Variants in WDR36 observed in about 807,000 individuals in gnomAD.
The protein encoded by WDR36 is WD repeat-containing protein 36.
A neutral mutation model predicts 112.7 loss-of-function variants in WDR36; 63 were observed. That is an observed-to-expected ratio of 0.56 (90% CI 0.46 to 0.69). The LOEUF (loss-of-function observed/expected upper bound fraction) is 0.69, where lower values mean the gene tolerates loss of function less well. Among genes scored for constraint, WDR36 ranks in the 30% least tolerant of loss-of-function variants. The pLI, the probability that WDR36 is intolerant of heterozygous loss-of-function variation, is 0.00. For synonymous variants in WDR36, 410 were observed against 362.2 expected (o/e 1.13, Z -1.50); for missense variants, 1,226 against 1,070.3 (o/e 1.15, Z -2.03).
rs752330152 is a variant in WDR36 at position 111,110,737 on chromosome 5, A to G, written c.1442-51A>G. 31 of 1,574,018 alleles carry G rather than the reference A, an allele frequency of 2.0e-5. 1 individual carries two copies. The highest frequency in any genetic ancestry group is 1.1e-4 in the Admixed American group (6 of 57,078). ...GAATCACTGTGTGTATTGTTCAGAG[A>G]GAAACACTGCCAATTCTGATTTTTT... On this transcript the variant is annotated intron_variant, in intron 13 of 22. Transcript: ENST00000513710.
intron 21 of WDR36, 93 bp from the exon 22 acceptor site, chr5:111,125,515 A>G: frequency 7.8e-7 from 1 of 1,280,348 alleles, no homozygotes; most frequent in South Asian, 1.3e-5. Context: ...TGTACCATTT[A>G]AATATATCCT....
At chr5:111,115,704 C>G (rs77514201) in intron 16 of WDR36, among the ~76,000 whole-genome samples, 1,763 of 152,112 alleles carry the variant, frequency 0.012, 91 homozygotes, top group Admixed American at 0.08. Flanking sequence ...ATGAGTAAAC[C>G]CTTGAGTGTA....
At chr5:111,112,303 T>G (rs545795104) in intron 15 of WDR36, among the ~76,000 whole-genome samples, 1 of 152,016 alleles carries the variant, frequency 6.6e-6, no homozygotes, top group African/African-American at 2.4e-5. Flanking sequence ...AACATGACTT[T>G]ACCTCTCAGA....
Position 111,127,843 on chromosome 5 carries a change from T to G in WDR36, c.*960T>G, listed in dbSNP as rs1753703915. The G allele has an allele frequency of 4.7e-6, 1 of 212,418 alleles. No individual in the cohort carries two copies. The highest frequency in any genetic ancestry group is 2.3e-5 in the African/African-American group (1 of 44,314). The allele number at this position is 212,418 out of a possible 1,614,324, so 13.2% of individuals were successfully genotyped here. ...AATTCCATAAATCCTTGCAAACAAT[T>G]TTTAGCAATATTGTTTATTGCTACC... On this transcript the variant is annotated 3_prime_UTR_variant, in exon 23 of 23. Transcript: ENST00000513710.
intron 13 of WDR36, 78 bp downstream of exon 13, chr5:111,110,381 T>A (rs1268824782): frequency 8.1e-7 from 1 of 1,228,180 alleles, no homozygotes; most frequent in African/African-American, 1.5e-5. Flanking sequence ...TGTATAATCT[T>A]TAAGTGCTGG....
rs1433093554 is a variant in WDR36, at chr5:111,100,608, T to C, written c.429T>C (p.Thr143=). Residue 143 remains threonine (T), a synonymous_variant, in exon 5 of 23, where the codon ACT becomes ACC. Coordinates refer to ENST00000513710, the MANE Select transcript of WDR36 (RefSeq NM_139281.3). Reference sequence around the variant, plus strand: ...TTGTAGAAGAATACCTGCAGTTGACTTTTGATAAATCAGTATTTAAAATTT... The same window carrying C: ...TTGTAGAAGAATACCTGCAGTTGACCTTTGATAAATCAGTATTTAAAATTT... The part of the protein sequence containing the change: ...IYSEEEYLQL[T]FDKSVFKISA... 1.9e-6 allele frequency: 3 copies of C among 1,585,586 alleles called. No individual in the cohort carries two copies. Among genetic ancestry groups the C allele is most frequent in the Non-Finnish European group, 8.6e-7 (1 of 1,161,348 alleles).
intron 13 of WDR36, 56 bp from the exon 14 acceptor site, chr5:111,110,732 C>T: frequency 6.4e-7 from 1 of 1,558,202 alleles, no homozygotes; most frequent in Non-Finnish European, 8.8e-7. Context: ...GTGTATTGTT[C>T]AGAGAGAAAC....
rs987985753 is a variant in WDR36 at position 111,113,163 on chromosome 5, T to C, written c.1796+10T>C. On this transcript the variant is annotated intron_variant, in intron 16 of 22. Transcript: ENST00000513710. ...ACCTTCCTTCTGGGTGGTAAGTTTATATTTCTAATTCCCTAACCTCTATAA... is the reference window on the plus strand; with the variant it reads ...ACCTTCCTTCTGGGTGGTAAGTTTACATTTCTAATTCCCTAACCTCTATAA... The C allele has an allele frequency of 2.0e-6, 3 of 1,525,002 alleles. No individual in the cohort carries two copies. The highest frequency in any genetic ancestry group is 1.7e-5 in the Admixed American group (1 of 59,274). The allele number at this position is 1,525,002 out of a possible 1,614,324, so 94.5% of individuals were successfully genotyped here.
At chr5:111,106,856 C>T (rs1388842880) in intron 11 of WDR36, among the ~76,000 whole-genome samples, 1 of 151,308 alleles carries the variant, frequency 6.6e-6, no homozygotes, top group Non-Finnish European at 1.5e-5. Context: ...CACTTACTTG[C>T]TGTCCTCCGT....
At chr5:111,110,374 A>G in intron 13 of WDR36, 71 bp downstream of exon 13, 2 of 1,288,878 alleles carry the variant, frequency 1.6e-6, no homozygotes, top group East Asian at 4.7e-5. Flanking sequence ...GCTGGTATGT[A>G]TAATCTTTAA....
rs2112595229 is a variant in WDR36, at chr5:111,127,380, A to C, written c.*497A>C. 1 of 200,014 alleles carries C rather than the reference A, an allele frequency of 5.0e-6. No homozygotes were observed. The highest frequency in any genetic ancestry group is 1.7e-3 in the Middle Eastern group (1 of 586). 12.4% of individuals were successfully genotyped at this position (200,014 alleles called of 1,614,324 possible). A position where few individuals can be genotyped will look rare whatever the true frequency, so the allele number is the denominator to read the frequency against. On this transcript the variant is annotated 3_prime_UTR_variant, in exon 23 of 23. Transcript: ENST00000513710. ...TGAAGTATTGCTGAATTAAATTGAA[A>C]ATGTCAGATAAAACTGATACATGAT...
In WDR36 at chr5:111,104,370, A is replaced by G. The variant is rs1753181830; in HGVS notation, c.906+18A>G. 1.2e-6 allele frequency: 2 copies of G among 1,611,420 alleles called. No homozygotes were observed. The highest frequency in any genetic ancestry group is 1.3e-5 in the African/African-American group (1 of 74,744). ...CTCTTAGGGTATTATGATTATTGTTAACATCTTCCTGGCTCATCTAACTTA... is the reference window on the plus strand; with the variant it reads ...CTCTTAGGGTATTATGATTATTGTTGACATCTTCCTGGCTCATCTAACTTA... On this transcript the variant is annotated intron_variant, in intron 8 of 22. Transcript: ENST00000513710.
Position 111,129,944 on chromosome 5 carries a change from A to G in WDR36, c.*3061A>G. ...AATTCATTTATTGAAAAGTCCACTC[A>G]TATGTCTGATTTGAAATGCTGTTTC... On this transcript the variant is annotated 3_prime_UTR_variant, in exon 23 of 23. Transcript: ENST00000513710. The G allele has an allele frequency of 4.8e-6, 1 of 210,288 alleles. No individual in the cohort carries two copies. The highest frequency in any genetic ancestry group is 7.2e-5 in the East Asian group (1 of 13,896). The allele number at this position is 210,288 out of a possible 1,614,324, so 13.0% of individuals were successfully genotyped here.
At chr5:111,108,232 TTTTTGTTTTGTTTTGTTTTTG>T (rs895044138) in intron 12 of WDR36, among the ~76,000 whole-genome samples, 1 of 151,120 alleles carries the variant, frequency 6.6e-6, no homozygotes, top group Non-Finnish European at 1.5e-5. Context: ...AAGTAGAGTT[TTTTTGTTTTGTTTTGTTTTTG>T]TTTTGTTTTG....
chr5:111,117,669 T>G (rs1218044255), intron 16 of WDR36, among the ~76,000 whole-genome samples: 2 of 152,138 alleles, frequency 1.3e-5, no homozygotes, highest in Non-Finnish European at 2.9e-5. Context: ...GAAGATTCGA[T>G]TAGTTAGCAC....
chr5:111,108,884 G>A (rs539049806), intron 12 of WDR36, among the ~76,000 whole-genome samples: 2 of 151,396 alleles, frequency 1.3e-5, no homozygotes, highest in African/African-American at 4.8e-5. Flanking sequence ...TGTATACTAT[G>A]ATATTTAGCT....
At chr5:111,116,335 A>G (rs567807900) in intron 16 of WDR36, among the ~76,000 whole-genome samples, 27 of 152,144 alleles carry the variant, frequency 1.8e-4, no homozygotes, top group African/African-American at 6.0e-4. Flanking sequence ...CCCCACCCCT[A>G]CTTCCTGAGG....
In WDR36 at chr5:111,092,369, G is replaced by A. The variant is rs755157654; in HGVS notation, c.-88G>A. ...CGGTGTTGTGTCTGCAGCTCTGGCA[G>A]AGGACTGTTCCACTAGACACGCTGA... On this transcript the variant is annotated 5_prime_UTR_variant, in exon 1 of 23. Transcript: ENST00000513710. 3 of 1,614,136 alleles carry A rather than the reference G, an allele frequency of 1.9e-6. No individual in the cohort carries two copies. The South Asian group carries it at 3.3e-5, about 18-fold the overall frequency.
Position 111,110,968 on chromosome 5 carries a change from A to G in WDR36, c.1607+15A>G. ...CATAGGGACAGGTAAACTTTTAATG[A>G]TAATGGATTTTCTCTTTGATTCTTT... On this transcript the variant is annotated intron_variant, in intron 14 of 22. Transcript: ENST00000513710. The G allele has an allele frequency of 6.2e-7, 1 of 1,610,352 alleles. No homozygotes were observed. The highest frequency in any genetic ancestry group is 8.5e-7 in the Non-Finnish European group (1 of 1,177,612).
Sources: allele counts gnomAD v4.1 joint callset (sites outside exome capture counted in the v4.1 genomes callset), GRCh38; gene constraint gnomAD v4.1.1; transcripts MANE v1.5; gene names NCBI Gene and HGNC (gene_info 2026-07-23, HGNC 2026-07-21).